Variants in HS3ST4 observed in about 807,000 individuals in gnomAD.
HS3ST4 encodes heparan sulfate-glucosamine 3-sulfotransferase 4.
In HS3ST4, 17 loss-of-function variants were observed where a neutral mutation model predicts 29.2. The ratio of observed to expected loss-of-function variants is 0.58; its 90% CI spans 0.40 to 0.87. HS3ST4 has a LOEUF of 0.87. Among genes scored for constraint, HS3ST4 ranks in the 40% least tolerant of loss-of-function variants. The probability of loss-of-function intolerance (pLI) is 0.00; values close to 1 mark genes in which losing one functional copy is unlikely to be tolerated. For synonymous variants in HS3ST4, 314 were observed against 285.7 expected, an observed-to-expected ratio of 1.10 and a Z score of -1.00; for missense variants, 627 against 634.5, an observed-to-expected ratio of 0.99 and a Z score of 0.13.
intron 1 of HS3ST4, among the ~76,000 whole-genome samples, chr16:26,130,537 C>T (rs1308194096): frequency 6.6e-6 from 1 of 152,008 alleles, no homozygotes; most frequent in East Asian, 1.9e-4. Context: ...GCCTACAGCC[C>T]CAAGGAACTG....
At chr16:25,998,227 G>A (rs1250684587) in intron 1 of HS3ST4, among the ~76,000 whole-genome samples, 1 of 152,152 alleles carries the variant, frequency 6.6e-6, no homozygotes, top group Non-Finnish European at 1.5e-5. Context: ...GATACAGTGA[G>A]CTGAGGTTGC....
rs183432479 is a variant in HS3ST4 at position 25,701,541 on chromosome 16, G to T, written c.734+8390G>T. 7.9e-5 allele frequency among the ~76,000 whole-genome samples: 12 copies of T among 152,278 alleles called. No homozygotes were observed. In the East Asian group the frequency reaches 2.3e-3, roughly 29 times the overall value. On this transcript the variant is annotated intron_variant, in intron 1 of 1. Transcript: ENST00000331351. ...GCCAGATGTACGTTAAGTATATAAA[G>T]ATCCATCCCCGGCCAGGCATATGAT...
chr16:25,955,278 G>A (rs1050155464), intron 1 of HS3ST4, among the ~76,000 whole-genome samples: 4 of 152,170 alleles, frequency 2.6e-5, no homozygotes, highest in Admixed American at 2.0e-4. Flanking sequence ...GCTGTAGAGG[G>A]TTATGGCACT....
rs113321176 is a variant in HS3ST4 at position 26,057,148 on chromosome 16, A to G, written c.735-78464A>G. On this transcript the variant is annotated intron_variant, in intron 1 of 1. Transcript: ENST00000331351. ...TAAGTACATGATGGAAATATTCCAA[A>G]ATTTGAAAATATCCAAAATCAGAAA... Among the ~76,000 whole-genome samples, 558 of 152,308 alleles carry G rather than the reference A, an allele frequency of 3.7e-3. 5 individuals carry two copies. The highest frequency in any genetic ancestry group is 0.013 in the African/African-American group (536 of 41,562).
intron 1 of HS3ST4, among the ~76,000 whole-genome samples, chr16:25,815,774 A>G (rs1967087378): frequency 6.6e-6 from 1 of 152,162 alleles, no homozygotes; most frequent in South Asian, 2.1e-4. Context: ...TAGATAATCT[A>G]CATCTTCCTT....
At chr16:25,990,107 C>CT (rs1969101577) in intron 1 of HS3ST4, among the ~76,000 whole-genome samples, 1 of 152,172 alleles carries the variant, frequency 6.6e-6, no homozygotes, top group African/African-American at 2.4e-5. Context: ...CAGCTCATTT[C>CT]TTTTTAGTGC....
intron 1 of HS3ST4, among the ~76,000 whole-genome samples, chr16:25,888,806 C>T (rs994772381): frequency 6.6e-6 from 1 of 152,280 alleles, no homozygotes; most frequent in Admixed American, 6.5e-5. Context: ...ACAACAACAA[C>T]AACAACAACT....
intron 1 of HS3ST4, among the ~76,000 whole-genome samples, chr16:25,857,974 C>CTT (rs1567257238): frequency 6.3e-4 from 13 of 20,706 alleles, no homozygotes; most frequent in African/African-American, 3.8e-3. Context: ...CTTTCTTTCT[C>CTT]TTTTCTGTCT....
chr16:25,710,808 C>CTTTTTTTTTTTTTTT (rs34759495), intron 1 of HS3ST4, among the ~76,000 whole-genome samples: 1 of 48,522 alleles, frequency 2.1e-5, no homozygotes, highest in Non-Finnish European at 3.4e-5. Flanking sequence ...GCATATTATC[C>CTTTTTTTTTTTTTTT]TTTTTTTTTT....
At chr16:25,745,760 T>C (rs1356280080) in intron 1 of HS3ST4, among the ~76,000 whole-genome samples, 2 of 152,318 alleles carry the variant, frequency 1.3e-5, no homozygotes, top group East Asian at 3.9e-4. Context: ...AAAAGAATCA[T>C]ATAATGTGTA....
intron 1 of HS3ST4, among the ~76,000 whole-genome samples, chr16:26,106,711 G>A (rs1345284336): frequency 1.3e-5 from 2 of 152,196 alleles, no homozygotes; most frequent in East Asian, 3.9e-4. Flanking sequence ...TGAGCAAGAG[G>A]AAAGTGAAAC....
chr16:25,873,237 T>A (rs1967775106), intron 1 of HS3ST4, among the ~76,000 whole-genome samples: 1 of 151,810 alleles, frequency 6.6e-6, no homozygotes, highest in African/African-American at 2.4e-5. Flanking sequence ...CATCCACCTA[T>A]CCATCCAGCT....
intron 1 of HS3ST4, among the ~76,000 whole-genome samples, chr16:25,805,690 T>C (rs540325349): frequency 6.6e-6 from 1 of 152,282 alleles, no homozygotes; most frequent in African/African-American, 2.4e-5. Flanking sequence ...TCAAATTACT[T>C]CTTTTTAAAA....
intron 1 of HS3ST4, among the ~76,000 whole-genome samples, chr16:26,079,576 A>G (rs756078622): frequency 6.6e-6 from 1 of 152,234 alleles, no homozygotes; most frequent in Non-Finnish European, 1.5e-5. Context: ...ATTATAAGGC[A>G]CCATTATTAT....
At position 25,732,722 on chromosome 16, in the gene HS3ST4, A is replaced by C. The variant is rs569008169; in HGVS notation, c.734+39571A>C. 2.0e-5 allele frequency among the ~76,000 whole-genome samples: 3 copies of C among 152,354 alleles called. No individual in the cohort carries two copies. In the East Asian group the frequency reaches 5.8e-4, roughly 29 times the overall value. ...AGCATTCCATAACTTGGATGGAACC[A>C]GTTAAATTTCTGGAAGGAGGCAGTA... On this transcript the variant is annotated intron_variant, in intron 1 of 1. Transcript: ENST00000331351.
chr16:26,129,045 C>A (rs11644412), intron 1 of HS3ST4, among the ~76,000 whole-genome samples: 3 of 152,078 alleles, frequency 2.0e-5, no homozygotes, highest in Admixed American at 2.0e-4. Flanking sequence ...CACTCCTGAC[C>A]CTTCCAGAGA....
Position 25,755,778 on chromosome 16 carries a change from C to G in HS3ST4, c.734+62627C>G, listed in dbSNP as rs1470113529. Among the ~76,000 whole-genome samples the G allele has an allele frequency of 2.0e-5, 3 of 152,150 alleles. No individual in the cohort carries two copies. The East Asian group carries it at 5.8e-4, about 29-fold the overall frequency. On this transcript the variant is annotated intron_variant, in intron 1 of 1. Coordinates refer to ENST00000331351, the MANE Select transcript of HS3ST4 (RefSeq NM_006040.3). Reference sequence around the variant, plus strand: ...GGCTGGCCATCAAAGCAAAACTGCCCTCTTCAACTGGGGCATATGTTCCCT... The same window carrying G: ...GGCTGGCCATCAAAGCAAAACTGCCGTCTTCAACTGGGGCATATGTTCCCT...
intron 1 of HS3ST4, among the ~76,000 whole-genome samples, chr16:25,693,449 A>C (rs1966272212): frequency 6.6e-6 from 1 of 152,202 alleles, no homozygotes; most frequent in African/African-American, 2.4e-5. Context: ...GGGAACCCCC[A>C]GCCCTCCTGC....
Position 25,955,875 on chromosome 16 carries a change from T to C in HS3ST4, c.735-179737T>C, listed in dbSNP as rs1022268149. 1.1e-4 allele frequency among the ~76,000 whole-genome samples: 16 copies of C among 151,020 alleles called. No homozygotes were observed. In the Admixed American group the frequency reaches 1.1e-3, roughly 10 times the overall value. Reference sequence around the variant, plus strand: ...TGTCTCCCAGGTTGGAGTGCAGTGGTGCGATCTCGGCTCACTGCAACCTCC... The same window carrying C: ...TGTCTCCCAGGTTGGAGTGCAGTGGCGCGATCTCGGCTCACTGCAACCTCC... On this transcript the variant is annotated intron_variant, in intron 1 of 1. Transcript: ENST00000331351.
Sources: gnomAD v4.1 joint callset for allele counts (sites outside exome capture counted in the v4.1 genomes callset) on GRCh38, gnomAD v4.1.1 for gene constraint, MANE v1.5 for transcripts, NCBI Gene and HGNC (gene_info 2026-07-23, HGNC 2026-07-21) for gene names.